Variants in CA8 observed in about 807,000 individuals in gnomAD.
CA8 encodes the protein carbonic anhydrase 8 (inactive).
A neutral mutation model predicts 41.4 loss-of-function variants in CA8; 22 were observed. The observed-to-expected ratio is 0.53, with a 90% CI of 0.38 to 0.76. CA8 has a LOEUF of 0.76. Among genes scored for constraint, CA8 ranks in the 30% least tolerant of loss-of-function variants. The pLI is 0.00. For missense variants in CA8, 270 were observed against 352.8 expected, an observed-to-expected ratio of 0.77 and a Z score of 1.88; for synonymous variants, 121 against 130.6, an observed-to-expected ratio of 0.93 and a Z score of 0.50.
intron 3 of CA8, among the ~76,000 whole-genome samples, chr8:60,252,289 C>T (rs1219190997): frequency 6.7e-6 from 1 of 150,094 alleles, no homozygotes; most frequent in African/African-American, 2.5e-5. Context: ...AGAAAAAGTC[C>T]CTCAAAAAGA....
intron 5 of CA8, among the ~76,000 whole-genome samples, chr8:60,224,924 T>C (rs1050768525): frequency 2.0e-5 from 3 of 152,030 alleles, no homozygotes; most frequent in Admixed American, 6.6e-5. Context: ...CATTGTAAAA[T>C]GCCTGAACCC....
chr8:60,202,017 T>G (rs1379127836), intron 8 of CA8, among the ~76,000 whole-genome samples: 1 of 141,994 alleles, frequency 7.0e-6, no homozygotes, highest in Non-Finnish European at 1.5e-5. Flanking sequence ...TTATGTACTT[T>G]GGGAAGACAA....
rs188048770 is a variant in CA8 at position 60,223,494 on chromosome 8, T to C, written c.626-733A>G. On this transcript the variant is annotated intron_variant, in intron 6 of 8. Coordinates refer to ENST00000317995, the MANE Select transcript of CA8 (RefSeq NM_004056.6). The stretch of plus-strand genomic sequence containing the variant: ...TTTTTTTGAGAGCAAGGTCTGGCTA[T>C]GGCTAGTCTCAAACTCTTGGCCTCA... 1.2e-4 allele frequency among the ~76,000 whole-genome samples: 19 copies of C among 152,306 alleles called. No individual in the cohort carries two copies. In the East Asian group the frequency reaches 3.7e-3, roughly 29 times the overall value.
At chr8:60,220,254 A>G (rs1807199197) in intron 7 of CA8, among the ~76,000 whole-genome samples, 1 of 152,194 alleles carries the variant, frequency 6.6e-6, no homozygotes, top group African/African-American at 2.4e-5. Context: ...TGGAGGAACC[A>G]GAAACAGCAC....
chr8:60,236,272 G>A (rs190292163), intron 3 of CA8, among the ~76,000 whole-genome samples: 19 of 152,304 alleles, frequency 1.2e-4, no homozygotes, highest in African/African-American at 2.9e-4. Flanking sequence ...ATCAGCCTGC[G>A]TTTCCAGCCT....
Position 60,279,777 on chromosome 8 carries a change from G to A in CA8, c.204C>T (p.Val68=), listed in dbSNP as rs774872914. The change falls in exon 2 of 9, where the codon GTC becomes GTT. Residue 68 remains valine, a synonymous_variant. Transcript: ENST00000317995. ...ACACCACATAATTTGGGGAGAGGCG[G>A]ACATCCAACAGCGAGGGGTCATACC... ...EARYDPSLLD[V]RLSPNYVVCR... is the part of the protein sequence containing the mutation. 17 of 1,614,092 alleles carry A rather than the reference G, an allele frequency of 1.1e-5. No homozygotes were observed. In the Middle Eastern group the frequency reaches 8.3e-4, roughly 78 times the overall value.
intron 2 of CA8, among the ~76,000 whole-genome samples, chr8:60,271,661 G>A (rs1804078019): frequency 6.6e-6 from 1 of 152,148 alleles, no homozygotes; most frequent in Admixed American, 6.5e-5. Context: ...GACCTATCTT[G>A]ATTGGCAATT....
At chr8:60,224,452 A>G (rs1047563225) in intron 6 of CA8, 85 bp downstream of exon 6, 55 of 824,370 alleles carry the variant, frequency 6.7e-5, no homozygotes, top group Middle Eastern at 3.4e-4. Context: ...TTAATTAACA[A>G]TATATAGTTT....
intron 7 of CA8, among the ~76,000 whole-genome samples, chr8:60,219,946 AAAAAAAAC>A: frequency 7.0e-6 from 1 of 143,694 alleles, no homozygotes; most frequent in Non-Finnish European, 1.6e-5. Context: ...AAAAAAAAAA[AAAAAAAAC>A]ACTTGACTAT....
intron 5 of CA8, among the ~76,000 whole-genome samples, chr8:60,225,595 T>C (rs1246245778): frequency 2.0e-5 from 3 of 152,190 alleles, no homozygotes; most frequent in Non-Finnish European, 4.4e-5. Context: ...AGATCTTCAG[T>C]GGAGGTTCTG....
chr8:60,231,777 G>A (rs1807655067), intron 4 of CA8, among the ~76,000 whole-genome samples: 1 of 152,150 alleles, frequency 6.6e-6, no homozygotes, highest in Admixed American at 6.5e-5. Context: ...GCCTACCACA[G>A]AGCTCAAATC....
chr8:60,263,271 G>A (rs1225741408), intron 3 of CA8, among the ~76,000 whole-genome samples: 2 of 150,196 alleles, frequency 1.3e-5, no homozygotes, highest in Non-Finnish European at 3.0e-5. Context: ...GCAGAGAGCC[G>A]AGACTGTGCC....
Position 60,281,203 on chromosome 8 carries a change from G to T in CA8, c.-56C>A, listed in dbSNP as rs1345583727. 2.4e-6 allele frequency: 3 copies of T among 1,260,872 alleles called. No homozygotes were observed. Among genetic ancestry groups the T allele is most frequent in the East Asian group, 5.1e-5 (2 of 39,540 alleles). 78.1% of individuals were successfully genotyped at this position (1,260,872 alleles called of 1,614,324 possible). ...GGCAGCAGTGCCTGCGCCTTCGCTG[G>T]GCGCGGGGCTGGAGCCGGAGCGGAG... On this transcript the variant is annotated 5_prime_UTR_variant, in exon 1 of 9. Coordinates refer to ENST00000317995, the MANE Select transcript of CA8 (RefSeq NM_004056.6).
At chr8:60,264,986 G>A (rs75619977) in intron 3 of CA8, 1 of 152,026 alleles carries the variant, frequency 6.6e-6, no homozygotes, top group Non-Finnish European at 1.5e-5. Context: ...ATGCACAGTT[G>A]TGAATGTCAA....
chr8:60,244,544 C>A (rs1267052906), intron 3 of CA8, among the ~76,000 whole-genome samples: 1 of 152,178 alleles, frequency 6.6e-6, no homozygotes, highest in Non-Finnish European at 1.5e-5. Context: ...TAAGCATGCA[C>A]ATAGAGCAAT....
intron 3 of CA8, among the ~76,000 whole-genome samples, chr8:60,253,877 T>C (rs1808532405): frequency 6.6e-6 from 1 of 152,210 alleles, no homozygotes; most frequent in African/African-American, 2.4e-5. Flanking sequence ...CTCTCTGATC[T>C]GTGTTCTTTA....
At chr8:60,247,764 T>C (rs902813562) in intron 3 of CA8, among the ~76,000 whole-genome samples, 2 of 152,246 alleles carry the variant, frequency 1.3e-5, no homozygotes, top group African/African-American at 2.4e-5. Flanking sequence ...CCTTTAGGTA[T>C]ATACCCAGTA....
At chr8:60,234,141 T>C (rs1807750418) in intron 3 of CA8, among the ~76,000 whole-genome samples, 1 of 152,160 alleles carries the variant, frequency 6.6e-6, no homozygotes, top group Non-Finnish European at 1.5e-5. Flanking sequence ...TTTCTCTCAA[T>C]GACCCATAAC....
At chr8:60,214,727 G>T (rs1166768268) in intron 7 of CA8, among the ~76,000 whole-genome samples, 1 of 152,188 alleles carries the variant, frequency 6.6e-6, no homozygotes, top group East Asian at 1.9e-4. Context: ...CTGTCAGGAT[G>T]TAAAGAGTCC....
Sources: gnomAD v4.1 joint callset for allele counts (sites outside exome capture counted in the v4.1 genomes callset) on GRCh38, gnomAD v4.1.1 for gene constraint, MANE v1.5 for transcripts, NCBI Gene and HGNC (gene_info 2026-07-23, HGNC 2026-07-21) for gene names.